DPP6: variants seen among roughly 807,000 people sequenced by gnomAD.
DPP6 encodes the protein A-type potassium channel modulatory protein DPP6.
In DPP6, 69 loss-of-function variants were observed where a neutral mutation model predicts 122.6. The observed-to-expected ratio is 0.56, with a 90% CI of 0.46 to 0.69. DPP6 has a LOEUF of 0.69. Among genes scored for constraint, DPP6 ranks in the 30% least tolerant of loss-of-function variants. The probability of loss-of-function intolerance (pLI) is 0.00; values close to 1 mark genes in which losing one functional copy is unlikely to be tolerated. For synonymous variants in DPP6, 418 were observed against 433.1 expected (o/e 0.97, Z 0.43); for missense variants, 928 against 1,116.9 (o/e 0.83, Z 2.41).
chr7:154,275,470 T>C (rs982632254), intron 1 of DPP6, among the ~76,000 whole-genome samples: 8 of 152,220 alleles, frequency 5.3e-5, no homozygotes, highest in African/African-American at 1.9e-4. Flanking sequence ...TCTCGGGGCC[T>C]CTCCTTTAAG....
intron 17 of DPP6, among the ~76,000 whole-genome samples, chr7:154,862,159 G>A (rs1312790112): frequency 6.6e-6 from 1 of 152,204 alleles, no homozygotes; most frequent in Non-Finnish European, 1.5e-5. Context: ...GAGCCCACCT[G>A]TGTACAAGAT....
intron 7 of DPP6, among the ~76,000 whole-genome samples, chr7:154,682,757 G>A (rs1839360814): frequency 6.6e-6 from 1 of 152,146 alleles, no homozygotes; most frequent in South Asian, 2.1e-4. Flanking sequence ...TATCAATACT[G>A]GATACTAACG....
intron 1 of DPP6, among the ~76,000 whole-genome samples, chr7:154,077,424 T>A (rs926564986): frequency 1.3e-5 from 2 of 152,134 alleles, no homozygotes; most frequent in Admixed American, 6.5e-5. Context: ...ACTCCTTATT[T>A]ATAGTTCTGT....
intron 1 of DPP6, among the ~76,000 whole-genome samples, chr7:154,427,376 A>T (rs552847994): frequency 6.6e-6 from 1 of 152,192 alleles, no homozygotes; most frequent in African/African-American, 2.4e-5. Flanking sequence ...TGATGCATGT[A>T]TTCTCTTTAT....
At chr7:154,226,558 G>A (rs79465437) in intron 1 of DPP6, among the ~76,000 whole-genome samples, 13,564 of 152,150 alleles carry the variant, frequency 0.089, 797 homozygotes, top group African/African-American at 0.16. Flanking sequence ...GTCTTTCTTC[G>A]TACAGTATTG....
chr7:153,772,963 A>ATTATAT, the DPP6 span, among the ~76,000 whole-genome samples: 1 of 80,326 alleles, frequency 1.2e-5, no homozygotes, highest in Admixed American at 1.5e-4. Flanking sequence ...AATAATATAT[A>ATTATAT]AAAGAAAAGA....
chr7:153,940,075 A>G (rs1563029112), intron 1 of DPP6, among the ~76,000 whole-genome samples: 1 of 152,236 alleles, frequency 6.6e-6, no homozygotes, highest in Non-Finnish European at 1.5e-5. Flanking sequence ...CTAACAATGC[A>G]CTGTGGCCCT....
At chr7:154,717,041 C>T (rs973479590) in intron 7 of DPP6, among the ~76,000 whole-genome samples, 8 of 152,152 alleles carry the variant, frequency 5.3e-5, no homozygotes, top group Admixed American at 2.6e-4. Flanking sequence ...TCATGTTGGT[C>T]AGGCTGGTCT....
chr7:154,683,068 T>C (rs1176891768), intron 7 of DPP6, among the ~76,000 whole-genome samples: 1 of 152,260 alleles, frequency 6.6e-6, no homozygotes, highest in East Asian at 1.9e-4. Flanking sequence ...TTGATTTTTC[T>C]GTTTGTTCTT....
intron 1 of DPP6, among the ~76,000 whole-genome samples, chr7:154,376,795 A>C (rs915026669): frequency 1.3e-5 from 2 of 152,178 alleles, no homozygotes; most frequent in Admixed American, 1.3e-4. Flanking sequence ...CCCATACAAT[A>C]GGCTGTAATC....
chr7:154,473,329 G>A (rs1032252615), intron 2 of DPP6, among the ~76,000 whole-genome samples: 1 of 152,198 alleles, frequency 6.6e-6, no homozygotes, highest in African/African-American at 2.4e-5. Context: ...CTAGAGCGAA[G>A]AAAGAACTTG....
At chr7:154,733,387 T>G (rs1842429637) in intron 8 of DPP6, among the ~76,000 whole-genome samples, 1 of 152,216 alleles carries the variant, frequency 6.6e-6, no homozygotes. Flanking sequence ...ACCATTACCC[T>G]CCATCTGTGT....
the DPP6 span, among the ~76,000 whole-genome samples, chr7:153,759,316 A>C: frequency 6.6e-6 from 1 of 151,772 alleles, no homozygotes; most frequent in Non-Finnish European, 1.5e-5. Flanking sequence ...ATAGTCTATA[A>C]ATAAATCTTT....
intron 1 of DPP6, among the ~76,000 whole-genome samples, chr7:154,294,721 C>T (rs555843841): frequency 1.3e-5 from 2 of 151,684 alleles, no homozygotes; most frequent in Admixed American, 1.3e-4. Context: ...GACTTGGAGC[C>T]CCAGACAGGG....
chr7:154,438,935 G>A lies in DPP6; in HGVS notation c.244-7279G>A, dbSNP rs546895376. Among the ~76,000 whole-genome samples, 5 of 152,308 alleles carry A rather than the reference G, an allele frequency of 3.3e-5. No homozygotes were observed. The South Asian group carries it at 8.3e-4, about 25-fold the overall frequency. ...AGGGGGCTCACAGACTAGAAATGTGGCTTCCAGGGCCCATGGGTGGAGGAG... is the reference window on the plus strand; with the variant it reads ...AGGGGGCTCACAGACTAGAAATGTGACTTCCAGGGCCCATGGGTGGAGGAG... On this transcript the variant is annotated intron_variant, in intron 1 of 25. Coordinates refer to ENST00000377770, the MANE Select transcript of DPP6 (RefSeq NM_130797.4).
At chr7:154,262,258 T>C (rs1169697399) in intron 1 of DPP6, among the ~76,000 whole-genome samples, 1 of 152,122 alleles carries the variant, frequency 6.6e-6, no homozygotes, top group Non-Finnish European at 1.5e-5. Context: ...ATTCATATGT[T>C]GAAGAGCTAA....
the DPP6 span, among the ~76,000 whole-genome samples, chr7:153,851,795 A>G: frequency 6.6e-6 from 1 of 152,072 alleles, no homozygotes; most frequent in Non-Finnish European, 1.5e-5. Context: ...TCCCAGATCT[A>G]TCTTCTATGT....
intron 4 of DPP6, among the ~76,000 whole-genome samples, chr7:154,541,395 A>T (rs993231755): frequency 1.1e-4 from 17 of 152,316 alleles, no homozygotes; most frequent in South Asian, 6.2e-4. Flanking sequence ...TTGGCCTCCC[A>T]AAGTGCCGGG....
the DPP6 span, among the ~76,000 whole-genome samples, chr7:153,780,698 G>A: frequency 6.6e-6 from 1 of 152,132 alleles, no homozygotes; most frequent in African/African-American, 2.4e-5. Flanking sequence ...AAAATGAGGA[G>A]TAATTTCACT....
Sources: gnomAD v4.1 joint callset for allele counts (sites outside exome capture counted in the v4.1 genomes callset) on GRCh38, gnomAD v4.1.1 for gene constraint, MANE v1.5 for transcripts, NCBI Gene and HGNC (gene_info 2026-07-23, HGNC 2026-07-21) for gene names.